The following UNC13A variants were observed in gnomAD, a reference collection of about 807,000 sequenced individuals.
The protein encoded by UNC13A is unc-13 homolog A.
UNC13A carries 61 observed loss-of-function variants against 219.7 expected under a neutral mutation model. The ratio of observed to expected loss-of-function variants is 0.28; its 90% confidence interval spans 0.23 to 0.34. The LOEUF is 0.34. Among genes scored for constraint, UNC13A ranks in the 10% least tolerant of loss-of-function variants. The pLI, the probability that UNC13A is intolerant of heterozygous loss-of-function variation, is 1.00. For missense variants in UNC13A, 1,476 were observed against 2,270.3 expected, an observed-to-expected ratio of 0.65 and a Z score of 7.11; for synonymous variants, 920 against 884.6, an observed-to-expected ratio of 1.04 and a Z score of -0.71.
intron 36 of UNC13A, 123 bp downstream of exon 36, chr19:17,623,419 A>C: frequency 2.0e-5 from 10 of 512,062 alleles, no homozygotes; most frequent in Non-Finnish European, 2.6e-5. Context: ...TCTAGGCGGG[A>C]GGGAGGATGG....
intron 2 of UNC13A, among the ~76,000 whole-genome samples, chr19:17,675,118 A>T (rs2079871790): frequency 6.6e-6 from 1 of 151,838 alleles, no homozygotes; most frequent in Non-Finnish European, 1.5e-5. Context: ...GCTTGAGCCC[A>T]GCAGTTCAAG....
chr19:17,681,950 GATTTT>G (rs756707785), intron 1 of UNC13A, among the ~76,000 whole-genome samples: 46 of 87,904 alleles, frequency 5.2e-4, no homozygotes, highest in Non-Finnish European at 9.1e-4. Context: ...CATCATCATT[GATTTT>G]TTTTTTTTTT....
rs1043222909 is a variant in UNC13A, at chr19:17,656,279, C to T, written c.887G>A (p.Arg296Gln). 9.7e-6 allele frequency: 15 copies of T among 1,552,060 alleles called. No homozygotes were observed. Among genetic ancestry groups the T allele is most frequent in the African/African-American group, 1.4e-5 (1 of 73,072 alleles). ...SLQGSDMEDE[R>Q]DRDSYHSCHS... ...GCAGGAGTGGTAGGAGTCCCGGTCC[C>T]GCTCATCCTCCATGTCGGAGCCCTG... The change falls in exon 10 of 44, where the codon CGG (arginine) becomes CAG (glutamine). Residue 296 changes from arginine (R) to glutamine (Q), a missense_variant. Arg to Gln is a conservative substitution (Grantham distance 43). This residue lies in a region of UNC13A where 351 missense variants were observed against 342.6 expected (regional missense o/e 1.02). Coordinates refer to ENST00000519716, the MANE Select transcript of UNC13A (RefSeq NM_001080421.3).
Position 17,658,280 on chromosome 19 carries a change from G to A in UNC13A, c.560-11C>T, listed in dbSNP as rs762413692. Reference sequence around the variant, plus strand: ...TGTCGGGGTCATCGTCTGGAAGAGAGAGGCGGTATGGGAAGAGGGTGAGGA... The same window carrying A: ...TGTCGGGGTCATCGTCTGGAAGAGAAAGGCGGTATGGGAAGAGGGTGAGGA... On this transcript the variant is annotated splice_polypyrimidine_tract_variant and intron_variant, in intron 8 of 43. Transcript: ENST00000519716. The A allele has an allele frequency of 2.5e-6, 4 of 1,607,070 alleles. No individual in the cohort carries two copies. The South Asian group carries it at 4.4e-5, about 18-fold the overall frequency.
At position 17,652,633 on chromosome 19, in the gene UNC13A, G is replaced by A. The variant is rs1288806385; in HGVS notation, c.1437C>T (p.Gly479=). 1.1e-5 allele frequency: 18 copies of A among 1,613,652 alleles called. No individual in the cohort carries two copies. The highest frequency in any genetic ancestry group is 1.4e-5 in the Non-Finnish European group (16 of 1,179,756). The part of the protein sequence containing the change: ...GEMSKSLWFK[G]GPGGGLIIID... ...CCGCTCACAGTTTCATTACTTACCC[G>A]CCTTTGAACCATAGGGATTTAGACA... Residue 479 remains glycine (G), a splice_region_variant and synonymous_variant, in exon 12 of 44, where the codon GGC becomes GGT. Coordinates refer to ENST00000519716, the MANE Select transcript of UNC13A (RefSeq NM_001080421.3).
chr19:17,606,415 C>G, intron 43 of UNC13A, 61 bp from the exon 44 acceptor site: 2 of 1,513,376 alleles, frequency 1.3e-6, no homozygotes, highest in Non-Finnish European at 1.8e-6. Flanking sequence ...CCGCCCACGG[C>G]CCCGTCCCCA....
chr19:17,680,898 T>TTC (rs1033525090), intron 1 of UNC13A, among the ~76,000 whole-genome samples: 2 of 105,240 alleles, frequency 1.9e-5, no homozygotes, highest in Non-Finnish European at 3.9e-5. Flanking sequence ...TCTTTTTTTT[T>TTC]TTTTTTTTTT....
intron 1 of UNC13A, among the ~76,000 whole-genome samples, chr19:17,681,360 G>T (rs896822744): frequency 3.9e-5 from 6 of 152,080 alleles, no homozygotes; most frequent in Non-Finnish European, 8.8e-5. Context: ...GAAGCATAGA[G>T]AATCCAGAAA....
rs1011650556 is a variant in UNC13A at position 17,649,753 on chromosome 19, T to G, written c.1440-166A>C. ...CCACTACCTCAGAAGGTGACCTTAC[T>G]TGGAAACGGGGTTGTCACAGATGTA... is the stretch of plus-strand genomic sequence containing the variant. On this transcript the variant is annotated intron_variant, in intron 12 of 43. Transcript: ENST00000519716. The surrounding 1 kb of genome is among the most constrained non-coding windows in gnomAD (Gnocchi z 4.4). 1.3e-5 allele frequency among the ~76,000 whole-genome samples: 2 copies of G among 152,128 alleles called. No individual in the cohort carries two copies. The highest frequency in any genetic ancestry group is 4.8e-5 in the African/African-American group (2 of 41,426).
In UNC13A at chr19:17,674,179, C is replaced by T. The variant is rs976537955; in HGVS notation, c.152+478G>A. Among the ~76,000 whole-genome samples the T allele has an allele frequency of 2.1e-5, 3 of 146,118 alleles. No individual in the cohort carries two copies. The highest frequency in any genetic ancestry group is 3.0e-5 in the Non-Finnish European group (2 of 65,786). ...GGGACAGGAGAGCAAGTGCAAGGGCCCTGGGGCAAGAACAAGCTGGGAAGT... is the reference window on the plus strand; with the variant it reads ...GGGACAGGAGAGCAAGTGCAAGGGCTCTGGGGCAAGAACAAGCTGGGAAGT... On this transcript the variant is annotated intron_variant, in intron 3 of 43. Transcript: ENST00000519716. The surrounding 1 kb of genome is among the most constrained non-coding windows in gnomAD (Gnocchi z 5.0).
In UNC13A at chr19:17,630,230, T is replaced by C; in HGVS notation, c.3584A>G (p.Gln1195Arg). Reference sequence around the variant, plus strand: ...GATGATTTCAAAGCTCTGGTTGAGTTGGGAGAAAACATCCACCACGGAGCA... The same window carrying C: ...GATGATTTCAAAGCTCTGGTTGAGTCGGGAGAAAACATCCACCACGGAGCA... Reference protein sequence around the residue: ...FSCSVVDVFSQLNQSFEIIKK... With the variant: ...FSCSVVDVFSRLNQSFEIIKK... The change falls in exon 30 of 44, where the codon CAA becomes CGA. Residue 1195 changes from glutamine to arginine, a missense_variant. Around this residue, in one of 14 missense-constraint regions of UNC13A, gnomAD observed 218 missense variants for 409.4 expected, o/e 0.53. Coordinates refer to ENST00000519716, the MANE Select transcript of UNC13A (RefSeq NM_001080421.3). The C allele has an allele frequency of 6.4e-7, 1 of 1,556,238 alleles. No homozygotes were observed. The highest frequency in any genetic ancestry group is 8.7e-7 in the Non-Finnish European group (1 of 1,149,614).
chr19:17,625,948 T>G (rs77149134), intron 34 of UNC13A, among the ~76,000 whole-genome samples: 42 of 146,870 alleles, frequency 2.9e-4, no homozygotes, highest in South Asian at 4.3e-4. Context: ...CATCCATCCA[T>G]CCAGCCAGCC....
At chr19:17,630,883 A>G in intron 28 of UNC13A, 133 bp from the exon 29 acceptor site, 1 of 734,228 alleles carries the variant, frequency 1.4e-6, no homozygotes, top group Non-Finnish European at 2.2e-6. Context: ...TGCAGCCTTG[A>G]GTGGCTGCTC....
intron 28 of UNC13A, among the ~76,000 whole-genome samples, 168 bp downstream of exon 28, chr19:17,632,614 T>C (rs2076868505): frequency 6.6e-6 from 1 of 152,234 alleles, no homozygotes; most frequent in African/African-American, 2.4e-5. Flanking sequence ...TTCTGGGCTG[T>C]AGGAGTCAAC....
chr19:17,635,431 A>T (rs1204239188), intron 26 of UNC13A, among the ~76,000 whole-genome samples: 1 of 152,224 alleles, frequency 6.6e-6, no homozygotes, highest in Admixed American at 6.5e-5. Context: ...TCTGGCAGAG[A>T]AATAGAACAC....
intron 8 of UNC13A, among the ~76,000 whole-genome samples, chr19:17,659,415 G>T (rs1447028420): frequency 2.0e-5 from 3 of 151,470 alleles, no homozygotes; most frequent in Non-Finnish European, 4.4e-5. Flanking sequence ...TGCACTCCAG[G>T]GGCTGGGTGA....
intron 3 of UNC13A, 99 bp from the exon 4 acceptor site, chr19:17,672,594 A>G: frequency 1.2e-6 from 1 of 861,594 alleles, no homozygotes; most frequent in Non-Finnish European, 1.8e-6. Flanking sequence ...GCATACTGCA[A>G]TTCAAACCTA....
In UNC13A at chr19:17,601,572, T is replaced by C. The variant is rs1274155633; in HGVS notation, c.*4482A>G. ...AAACAAACAACGTTTTGATTTCACA[T>C]CTGCAATCACATGCTAAGAGTTGTG... On this transcript the variant is annotated 3_prime_UTR_variant, in exon 44 of 44. Transcript: ENST00000519716. 6.6e-6 allele frequency: 1 copy of C among 152,376 alleles called. No individual in the cohort carries two copies. Among genetic ancestry groups the C allele is most frequent in the Non-Finnish European group, 1.5e-5 (1 of 68,030 alleles). The allele number at this position is 152,376 out of a possible 1,614,324, so 9.4% of individuals were successfully genotyped here.
chr19:17,676,120 G>A, intron 1 of UNC13A, 79 bp from the exon 2 acceptor site: 2 of 1,416,818 alleles, frequency 1.4e-6, no homozygotes, highest in Non-Finnish European at 2.0e-6. Context: ...GAGAGATTCA[G>A]AGACACACCA....
Sources: allele counts gnomAD v4.1 joint callset (sites outside exome capture counted in the v4.1 genomes callset), GRCh38; gene constraint gnomAD v4.1.1; regional missense constraint gnomAD v4.1.1; non-coding constraint Gnocchi (gnomAD v3.1); transcripts MANE v1.5; gene names NCBI Gene and HGNC (gene_info 2026-07-23, HGNC 2026-07-21).